Variants in BTNL2 observed in about 807,000 individuals in gnomAD.
The protein encoded by BTNL2 is butyrophilin like 2, also known as butyrophilin-like protein 2.
A neutral mutation model predicts 46.8 loss-of-function variants in BTNL2; 46 were observed. That is an observed-to-expected ratio of 0.98 (90% CI 0.78 to 1.26). The LOEUF (loss-of-function observed/expected upper bound fraction) is 1.26, where lower values mean the gene tolerates loss of function less well. Among genes scored for constraint, BTNL2 ranks in the 50% most tolerant of loss-of-function variants. The pLI is 0.00. For synonymous variants in BTNL2, 226 were observed against 229.1 expected, an observed-to-expected ratio of 0.99 and a Z score of 0.12; for missense variants, 461 against 592.6, an observed-to-expected ratio of 0.78 and a Z score of 2.31.
intron 4 of BTNL2, among the ~76,000 whole-genome samples, chr6:32,400,931 C>T (rs56357381): frequency 0.053 from 6,154 of 115,974 alleles, 397 homozygotes; most frequent in South Asian, 0.15. Flanking sequence ...AAAAAATGCC[C>T]GGCGTGGTGG....
intron 1 of BTNL2, chr6:32,406,010 A>G (rs1438810509): frequency 2.6e-5 from 4 of 153,322 alleles, no homozygotes; most frequent in Non-Finnish European, 5.8e-5. Context: ...AATTGAAGAG[A>G]TGTTTAACAG....
chr6:32,395,027 T>C lies in BTNL2; in HGVS notation c.1079-2A>G, dbSNP rs1209465854. On this transcript the variant is annotated splice_acceptor_variant, in intron 5 of 7. Transcript: ENST00000454136. LOFTEE classifies it high-confidence loss of function. ...TGATCAGTGGGGAAGAACCCAGACC[T>C]GGGGCAGAGAAAGCAACCAAAGCCT... The C allele has an allele frequency of 3.9e-6, 6 of 1,553,646 alleles. No individual in the cohort carries two copies. The highest frequency in any genetic ancestry group is 1.4e-5 in the African/African-American group (1 of 72,958).
At chr6:32,398,237 A>G (rs999364227) in intron 4 of BTNL2, among the ~76,000 whole-genome samples, 53 of 152,228 alleles carry the variant, frequency 3.5e-4, no homozygotes, top group African/African-American at 1.3e-3. Context: ...GATCATTTAT[A>G]ATAGAAACAC....
intron 1 of BTNL2, 116 bp downstream of exon 1, chr6:32,406,929 T>C: frequency 3.4e-6 from 3 of 889,762 alleles, no homozygotes; most frequent in Non-Finnish European, 5.3e-6. Flanking sequence ...AGTTCCTTTT[T>C]GGATACAGGT....
chr6:32,397,499 C>G (rs528098018), intron 4 of BTNL2, among the ~76,000 whole-genome samples: 1 of 152,246 alleles, frequency 6.6e-6, no homozygotes, highest in South Asian at 2.1e-4. Flanking sequence ...ATGAGTCATC[C>G]TTTTCTCAGT....
rs2127704673 is a variant in BTNL2, at chr6:32,396,527, GT to G, written c.731-142del. The G allele has an allele frequency of 1.9e-5, 15 of 794,532 alleles. No homozygotes were observed. The highest frequency in any genetic ancestry group is 2.2e-4 in the Middle Eastern group (1 of 4,480). 49.2% of individuals were successfully genotyped at this position (794,532 alleles called of 1,614,324 possible). A position where few individuals can be genotyped will look rare whatever the true frequency, so the allele number is the denominator to read the frequency against. ...AGGCTCAGGGTCATCCTTAGGTGAG[GT>G]GGGGGTTTCATGGACTCAGAATAGA... On this transcript the variant is annotated intron_variant, in intron 4 of 7. Transcript: ENST00000454136. The surrounding 1 kb of genome is among the most constrained non-coding windows in gnomAD (Gnocchi z 4.4).
In BTNL2 at chr6:32,394,868, G is replaced by A. The variant is rs1488041988; in HGVS notation, c.1236C>T (p.Gly412=). ...TCTGCACGTGGAACAGCCCGTGGCT[G>A]CCTTGAGTCAGGGCCTGGGAAGATG... ...IPSSSQALTQ[G]SHGLFHVQTL... The change falls in exon 6 of 8, where the codon GGC becomes GGT. Residue 412 remains glycine (G), a synonymous_variant. Coordinates refer to ENST00000454136, the MANE Select transcript of BTNL2 (RefSeq NM_001304561.2). The surrounding 1 kb of genome is among the most constrained non-coding windows in gnomAD (Gnocchi z 4.6). 2 of 1,614,262 alleles carry A rather than the reference G, an allele frequency of 1.2e-6. No individual in the cohort carries two copies. The highest frequency in any genetic ancestry group is 1.1e-5 in the South Asian group (1 of 91,086).
At position 32,407,171 on chromosome 6, in the gene BTNL2, G is replaced by C; in HGVS notation, c.-48C>G. 2.0e-6 allele frequency: 3 copies of C among 1,510,412 alleles called. No individual in the cohort carries two copies. The highest frequency in any genetic ancestry group is 2.8e-6 in the Non-Finnish European group (3 of 1,087,166). 93.6% of individuals were successfully genotyped at this position (1,510,412 alleles called of 1,614,324 possible). On this transcript the variant is annotated 5_prime_UTR_variant, in exon 1 of 8. Coordinates refer to ENST00000454136, the MANE Select transcript of BTNL2 (RefSeq NM_001304561.2). ...AAACGCTGTGCCTAAGTGAGGCTGT[G>C]ACACACCCGGCACACTCCATGGCTT...
chr6:32,401,870 T>C (rs1776805156), intron 3 of BTNL2, 65 bp from the exon 4 acceptor site: 4 of 1,469,920 alleles, frequency 2.7e-6, no homozygotes, highest in Non-Finnish European at 3.7e-6. Flanking sequence ...GAAACTATTT[T>C]TTAAAAAAGA....
Position 32,396,106 on chromosome 6 carries a change from C to T in BTNL2, c.1011G>A (p.Gly337=). ...QILSARPSDD[G]QYRCLFEKDD... Reference sequence around the variant, plus strand: ...CTTTTTCAAAAAGGCAGCGGTACTGCCCGTCGTCCGAAGGTCTGGCACTGA... The same window carrying T: ...CTTTTTCAAAAAGGCAGCGGTACTGTCCGTCGTCCGAAGGTCTGGCACTGA... The change falls in exon 5 of 8, where the codon GGG becomes GGA. Residue 337 remains glycine (G), a synonymous_variant. Coordinates refer to ENST00000454136, the MANE Select transcript of BTNL2 (RefSeq NM_001304561.2). This position sits in a 1 kb window ranked among gnomAD's most constrained non-coding sequence, Gnocchi z 4.4. 1 of 1,613,110 alleles carries T rather than the reference C, an allele frequency of 6.2e-7. No individual in the cohort carries two copies. The highest frequency in any genetic ancestry group is 1.1e-5 in the South Asian group (1 of 91,080).
chr6:32,405,190 A>G lies in BTNL2; in HGVS notation c.176T>C (p.Met59Thr). 1.9e-6 allele frequency: 3 copies of G among 1,613,024 alleles called. No individual in the cohort carries two copies. Among genetic ancestry groups the G allele is most frequent in the Non-Finnish European group, 2.5e-6 (3 of 1,180,020 alleles). Residue 59 changes from methionine (M) to threonine (T), a missense_variant, in exon 2 of 8, where the codon ATG (methionine) becomes ACG (threonine). Coordinates refer to ENST00000454136, the MANE Select transcript of BTNL2 (RefSeq NM_001304561.2). Reference protein sequence around the residue: ...TCQLLPKRTTMHVEVRWYRSE... With the variant: ...TCQLLPKRTTTHVEVRWYRSE... ...GCGGTACCACCTCACCTCCACGTGC[A>G]TTGTGGTCCTCTTGGGGAGTAGCTG...
Position 32,401,819 on chromosome 6 carries a change from A to G in BTNL2, c.710-14T>C, listed in dbSNP as rs117080666. The stretch of plus-strand genomic sequence containing the variant: ...TCTGGAGTTTCTCTGGAAAAAGAAC[A>G]AGAATAACATATTAAGGAATTTGGT... On this transcript the variant is annotated splice_polypyrimidine_tract_variant and intron_variant, in intron 3 of 7. Transcript: ENST00000454136. 0.013 allele frequency: 21,546 copies of G among 1,603,658 alleles called. 983 individuals are homozygous for G. The East Asian group carries it at 0.15, about 11-fold the overall frequency.
Position 32,396,280 on chromosome 6 carries a change from C to G in BTNL2, c.837G>C (p.Glu279Asp). 6.2e-7 allele frequency: 1 copy of G among 1,613,044 alleles called. No homozygotes were observed. The highest frequency in any genetic ancestry group is 8.5e-7 in the Non-Finnish European group (1 of 1,179,970). The change falls in exon 5 of 8, where the codon GAG becomes GAC. Residue 279 changes from glutamate (E) to aspartate (D), a missense_variant. Glu to Asp is a conservative substitution (Grantham distance 45). Coordinates refer to ENST00000454136, the MANE Select transcript of BTNL2 (RefSeq NM_001304561.2). This position sits in a 1 kb window ranked among gnomAD's most constrained non-coding sequence, Gnocchi z 4.4. Reference sequence around the variant, plus strand: ...AACGGTGGGATCGGTCCCACCTCACCTCCATGCTCTGTGCATTCGCCTTGG... The same window carrying G: ...AACGGTGGGATCGGTCCCACCTCACGTCCATGCTCTGTGCATTCGCCTTGG... Reference protein sequence around the residue: ...LSPKANAQSMEVRWDRSHRYP... With the variant: ...LSPKANAQSMDVRWDRSHRYP...
chr6:32,398,106 G>A (rs928226903), intron 4 of BTNL2, among the ~76,000 whole-genome samples: 1 of 152,154 alleles, frequency 6.6e-6, no homozygotes, highest in East Asian at 1.9e-4. Flanking sequence ...GGGCTTTCCT[G>A]GGCCCAAGCT....
rs41323148 is a variant in BTNL2 at position 32,394,065 on chromosome 6, G to A, written c.1361-8C>T. 0.13 allele frequency: 189,295 copies of A among 1,502,614 alleles called. 15,700 individuals are homozygous for A. The highest frequency in any genetic ancestry group is 0.13 in the Admixed American group (6,613 of 50,772). The allele number at this position is 1,502,614 out of a possible 1,614,324, so 93.1% of individuals were successfully genotyped here. A position where few individuals can be genotyped will look rare whatever the true frequency, so the allele number is the denominator to read the frequency against. On this transcript the variant is annotated splice_region_variant and splice_polypyrimidine_tract_variant and intron_variant, in intron 6 of 7. Coordinates refer to ENST00000454136, the MANE Select transcript of BTNL2 (RefSeq NM_001304561.2). The surrounding 1 kb of genome is among the most constrained non-coding windows in gnomAD (Gnocchi z 4.6). ...AAAACGTCATCCTGGACTCTAAAAT[G>A]GAAACCCAAGAATCCCTTGAAACTG...
At chr6:32,404,638 T>A (rs1428116937) in intron 2 of BTNL2, among the ~76,000 whole-genome samples, 1 of 152,244 alleles carries the variant, frequency 6.6e-6, no homozygotes, top group African/African-American at 2.4e-5. Flanking sequence ...TGGTTTGCTC[T>A]TGCGCACCAG....
Position 32,396,255 on chromosome 6 carries a change from A to G in BTNL2, c.862T>C (p.Tyr288His), listed in dbSNP as rs1390296001. The G allele has an allele frequency of 3.7e-6, 6 of 1,613,100 alleles. No homozygotes were observed. Among genetic ancestry groups the G allele is most frequent in the Non-Finnish European group, 5.1e-6 (6 of 1,180,032 alleles). The change falls in exon 5 of 8, where the codon TAC becomes CAC. Residue 288 changes from tyrosine (Y) to histidine (H), a missense_variant. Transcript: ENST00000454136. This position sits in a 1 kb window ranked among gnomAD's most constrained non-coding sequence, Gnocchi z 4.4. ...TCCATATACACATGCACAGCAGGGT[A>G]ACGGTGGGATCGGTCCCACCTCACC... ...MEVRWDRSHR[Y>H]PAVHVYMDGD...
intron 4 of BTNL2, among the ~76,000 whole-genome samples, chr6:32,397,751 C>T (rs931331701): frequency 2.0e-5 from 3 of 151,998 alleles, no homozygotes; most frequent in South Asian, 4.2e-4. Context: ...GACTTGAAGG[C>T]GTTGGAGCCA....
rs151098692 is a variant in BTNL2, at chr6:32,395,523, C to T, written c.1079-498G>A. On this transcript the variant is annotated intron_variant, in intron 5 of 7. Coordinates refer to ENST00000454136, the MANE Select transcript of BTNL2 (RefSeq NM_001304561.2). ...TATCCAAGACTTGGGCCTATATGTA[C>T]TCAATGGCATCTGCTAACCTTGGAC... is the stretch of plus-strand genomic sequence containing the variant. 5.3e-3 allele frequency among the ~76,000 whole-genome samples: 810 copies of T among 152,280 alleles called. 9 individuals are homozygous for T. Among genetic ancestry groups the T allele is most frequent in the African/African-American group, 0.018 (765 of 41,558 alleles).
Sources: gnomAD v4.1 joint callset for allele counts (sites outside exome capture counted in the v4.1 genomes callset) on GRCh38, gnomAD v4.1.1 for gene constraint, Gnocchi (gnomAD v3.1) non-coding constraint, MANE v1.5 for transcripts, NCBI Gene and HGNC (gene_info 2026-07-23, HGNC 2026-07-21) for gene names.